ZZZ3: variants seen among roughly 807,000 people sequenced by gnomAD.
ZZZ3 encodes the protein ZZ-type zinc finger-containing protein 3.
ZZZ3 carries 22 observed loss-of-function variants against 95.2 expected under a neutral mutation model. The ratio of observed to expected loss-of-function variants is 0.23; its 90% CI spans 0.17 to 0.33. ZZZ3 has a LOEUF of 0.33. Among genes scored for constraint, ZZZ3 ranks in the 10% least tolerant of loss-of-function variants. The pLI, the probability that ZZZ3 is intolerant of heterozygous loss-of-function variation, is 1.00. For missense variants in ZZZ3, 885 were observed against 1,066.5 expected (o/e 0.83, Z 2.37); for synonymous variants, 335 against 358.9 (o/e 0.93, Z 0.75).
chr1:77,629,446 T>C (rs1289313716), intron 5 of ZZZ3, among the ~76,000 whole-genome samples: 1 of 152,126 alleles, frequency 6.6e-6, no homozygotes, highest in Non-Finnish European at 1.5e-5. Flanking sequence ...GGCGAACCCC[T>C]GTCTCAATTA....
At position 77,631,732 on chromosome 1, in the gene ZZZ3, C is replaced by A. The variant is rs571009829; in HGVS notation, c.1505+118G>T. The A allele has an allele frequency of 8.3e-4, 683 of 822,580 alleles. 3 individuals carry two copies. The highest frequency in any genetic ancestry group is 1.2e-3 in the South Asian group (48 of 41,120). 51.0% of individuals were successfully genotyped at this position (822,580 alleles called of 1,614,324 possible). ...TAAGAGTTGAGAAAATCATATTAAA[C>A]CTAAAATTTTAGTGAAAACATTAAT... On this transcript the variant is annotated intron_variant, in intron 5 of 14. Coordinates refer to ENST00000370801, the MANE Select transcript of ZZZ3 (RefSeq NM_015534.6).
At chr1:77,622,521 T>A (rs1446466488) in intron 5 of ZZZ3, among the ~76,000 whole-genome samples, 1 of 152,046 alleles carries the variant, frequency 6.6e-6, no homozygotes, top group African/African-American at 2.4e-5. Context: ...AAAAAGAACA[T>A]ATTCACCATG....
chr1:77,611,890 AG>A (rs1665849699), intron 5 of ZZZ3, among the ~76,000 whole-genome samples: 1 of 152,056 alleles, frequency 6.6e-6, no homozygotes, highest in Non-Finnish European at 1.5e-5. Flanking sequence ...AGAACATAGG[AG>A]GAAAGTTCCT....
intron 1 of ZZZ3, among the ~76,000 whole-genome samples, chr1:77,644,527 A>C (rs1410287625): frequency 6.6e-6 from 1 of 152,258 alleles, no homozygotes; most frequent in African/African-American, 2.4e-5. Context: ...AGATAAGCCT[A>C]TTTCACAGCC....
intron 5 of ZZZ3, among the ~76,000 whole-genome samples, chr1:77,627,705 T>C (rs1482200607): frequency 6.6e-6 from 1 of 152,212 alleles, no homozygotes. Flanking sequence ...GCAACACTCT[T>C]AGATGAGCAA....
At chr1:77,583,070 G>A (rs1355710941) in intron 6 of ZZZ3, among the ~76,000 whole-genome samples, 1 of 151,804 alleles carries the variant, frequency 6.6e-6, no homozygotes, top group Non-Finnish European at 1.5e-5. Flanking sequence ...AGACCCCACT[G>A]CACTCCAGCC....
chr1:77,683,312 G>C (rs1672985598), upstream of ZZZ3: 1 of 150,718 alleles, frequency 6.6e-6, no homozygotes. Context: ...CGCCGCCGCC[G>C]TGGCCGCTCT....
At chr1:77,668,593 T>G (rs775490577) in intron 1 of ZZZ3, among the ~76,000 whole-genome samples, 4 of 148,656 alleles carry the variant, frequency 2.7e-5, no homozygotes, top group Admixed American at 6.8e-5. Flanking sequence ...ATTATAGAGC[T>G]CATATGATCG....
At chr1:77,665,160 C>T (rs1157140215) in intron 1 of ZZZ3, among the ~76,000 whole-genome samples, 1 of 152,132 alleles carries the variant, frequency 6.6e-6, no homozygotes, top group Non-Finnish European at 1.5e-5. Context: ...AAAGCAATTA[C>T]AAAACAATTA....
intron 1 of ZZZ3, among the ~76,000 whole-genome samples, chr1:77,647,860 G>GC (rs886101633): frequency 5.3e-5 from 8 of 152,162 alleles, no homozygotes; most frequent in African/African-American, 1.7e-4. Flanking sequence ...GTACCACACT[G>GC]CATCAGTAGT....
chr1:77,640,896 A>G (rs1307984472), intron 3 of ZZZ3: 1 of 152,222 alleles, frequency 6.6e-6, no homozygotes. Flanking sequence ...AGTAATATCT[A>G]ATATCTATAG....
At chr1:77,642,526 T>C in intron 1 of ZZZ3, among the ~76,000 whole-genome samples, 1 of 151,976 alleles carries the variant, frequency 6.6e-6, no homozygotes, top group Non-Finnish European at 1.5e-5. Context: ...GGAGGATCCC[T>C]TGAGCTCAGG....
At chr1:77,591,174 G>A (rs1012195106) in intron 5 of ZZZ3, among the ~76,000 whole-genome samples, 12 of 152,174 alleles carry the variant, frequency 7.9e-5, no homozygotes, top group Admixed American at 3.9e-4. Context: ...TATGCAGCAC[G>A]CAAAATTTTA....
chr1:77,590,666 A>T (rs901883559), intron 5 of ZZZ3, among the ~76,000 whole-genome samples: 5 of 152,256 alleles, frequency 3.3e-5, no homozygotes, highest in Non-Finnish European at 7.3e-5. Flanking sequence ...AAACAGCTAT[A>T]AAGGACATTT....
At chr1:77,663,779 G>A (rs1340365029) in intron 1 of ZZZ3, among the ~76,000 whole-genome samples, 7 of 148,808 alleles carry the variant, frequency 4.7e-5, no homozygotes, top group Admixed American at 2.0e-4. Flanking sequence ...ACGGAGTTTC[G>A]CTTTTGTTGC....
intron 1 of ZZZ3, among the ~76,000 whole-genome samples, chr1:77,677,718 C>T (rs1456576185): frequency 2.6e-5 from 4 of 152,078 alleles, no homozygotes; most frequent in Non-Finnish European, 5.9e-5. Flanking sequence ...GAACATTTTA[C>T]AATCATTTAT....
At chr1:77,613,090 T>C (rs1296331708) in intron 5 of ZZZ3, among the ~76,000 whole-genome samples, 1 of 152,114 alleles carries the variant, frequency 6.6e-6, no homozygotes, top group Non-Finnish European at 1.5e-5. Flanking sequence ...ATAAAGTGTC[T>C]GATAGTCTTT....
intron 5 of ZZZ3, among the ~76,000 whole-genome samples, chr1:77,620,990 A>G (rs919473367): frequency 3.3e-5 from 5 of 152,216 alleles, no homozygotes; most frequent in African/African-American, 1.2e-4. Context: ...AAATCAAAAT[A>G]AAGTTTTTTT....
intron 5 of ZZZ3, among the ~76,000 whole-genome samples, chr1:77,595,610 C>A (rs1164276441): frequency 6.6e-6 from 1 of 151,964 alleles, no homozygotes; most frequent in African/African-American, 2.4e-5. Flanking sequence ...GTGAAGCATG[C>A]CCTTCACAAA....
Sources: gnomAD v4.1 joint callset for allele counts (sites outside exome capture counted in the v4.1 genomes callset) on GRCh38, gnomAD v4.1.1 for gene constraint, MANE v1.5 for transcripts, NCBI Gene and HGNC (gene_info 2026-07-23, HGNC 2026-07-21) for gene names.